Variants in RASEF observed in about 807,000 individuals in gnomAD.
RASEF encodes the protein ras and EF-hand domain-containing protein.
Under a neutral mutation model 90.1 loss-of-function variants are expected in RASEF, and 68 were observed. The ratio of observed to expected loss-of-function variants is 0.75; its 90% CI spans 0.62 to 0.92. The LOEUF (loss-of-function observed/expected upper bound fraction) is 0.92, where lower values mean the gene tolerates loss of function less well. RASEF is among the 40% of genes least tolerant of loss of function. RASEF has a pLI of 0.00. For missense variants in RASEF, 949 were observed against 937.2 expected, an observed-to-expected ratio of 1.01 and a Z score of -0.16; for synonymous variants, 331 against 345.2, an observed-to-expected ratio of 0.96 and a Z score of 0.46.
chr9:83,137,081 A>G, the RASEF span, among the ~76,000 whole-genome samples: 6 of 152,144 alleles, frequency 3.9e-5, no homozygotes, highest in African/African-American at 1.4e-4. Flanking sequence ...ATTATAAAAC[A>G]TGATAAAGTA....
chr9:83,183,866 C>T, the RASEF span, among the ~76,000 whole-genome samples: 1 of 152,158 alleles, frequency 6.6e-6, no homozygotes, highest in Non-Finnish European at 1.5e-5. Flanking sequence ...GCTTTGGTGG[C>T]CATTTGCCAA....
At chr9:83,044,794 T>C (rs775985735) in intron 1 of RASEF, among the ~76,000 whole-genome samples, 1 of 152,254 alleles carries the variant, frequency 6.6e-6, no homozygotes, top group Admixed American at 6.5e-5. Context: ...CATGTGAGTA[T>C]GTTGCTGTGA....
intron 6 of RASEF, 97 bp downstream of exon 6, chr9:83,009,544 T>C: frequency 1.6e-6 from 1 of 606,734 alleles, no homozygotes; most frequent in Non-Finnish European, 2.9e-6. Flanking sequence ...ATTAGCAAAG[T>C]TACTAACTCT....
the RASEF span, among the ~76,000 whole-genome samples, chr9:83,195,188 G>C: frequency 6.6e-6 from 1 of 152,198 alleles, no homozygotes; most frequent in East Asian, 1.9e-4. Flanking sequence ...TATGTGGCGG[G>C]ATTTCAGTTT....
chr9:83,060,090 C>T (rs1830178720), intron 1 of RASEF, among the ~76,000 whole-genome samples: 1 of 151,994 alleles, frequency 6.6e-6, no homozygotes, highest in Non-Finnish European at 1.5e-5. Context: ...ATTTAATATC[C>T]GTTCCTCTCA....
At chr9:82,988,432 T>C (rs1828751146) in intron 16 of RASEF, among the ~76,000 whole-genome samples, 1 of 152,194 alleles carries the variant, frequency 6.6e-6, no homozygotes. Flanking sequence ...TTTAGTTGAA[T>C]GTATATGTGT....
At chr9:83,087,312 G>C in the RASEF span, among the ~76,000 whole-genome samples, 1 of 152,118 alleles carries the variant, frequency 6.6e-6, no homozygotes, top group South Asian at 2.1e-4. Context: ...CTTGGATTTA[G>C]TGAGGTCATG....
chr9:83,122,974 T>G, the RASEF span, among the ~76,000 whole-genome samples: 355 of 152,252 alleles, frequency 2.3e-3, no homozygotes, highest in South Asian at 3.5e-3. Context: ...GCGCAGTGGC[T>G]CACGCCTGTA....
intron 3 of RASEF, among the ~76,000 whole-genome samples, chr9:83,019,203 T>C (rs1829399022): frequency 6.6e-6 from 1 of 152,138 alleles, no homozygotes; most frequent in Non-Finnish European, 1.5e-5. Flanking sequence ...AAAATATTTA[T>C]AGATCAGGTA....
chr9:83,091,989 TTTTTC>T, the RASEF span, among the ~76,000 whole-genome samples: 1 of 148,264 alleles, frequency 6.7e-6, no homozygotes. Context: ...TTTTATATTC[TTTTTC>T]TTTTATTTCT....
chr9:83,043,528 C>T (rs981782014), intron 1 of RASEF, among the ~76,000 whole-genome samples: 3 of 152,088 alleles, frequency 2.0e-5, no homozygotes, highest in African/African-American at 7.2e-5. Flanking sequence ...GCTTTTTTTG[C>T]ATGTGGTTTT....
chr9:83,045,007 C>T (rs1829903099), intron 1 of RASEF, among the ~76,000 whole-genome samples: 1 of 152,210 alleles, frequency 6.6e-6, no homozygotes, highest in Admixed American at 6.5e-5. Flanking sequence ...CCTGGGTCTC[C>T]AGCCTGCCAT....
At chr9:83,049,408 T>C (rs1238015648) in intron 1 of RASEF, 4 of 847,240 alleles carry the variant, frequency 4.7e-6, no homozygotes, top group Non-Finnish European at 5.7e-6. Flanking sequence ...ATTTCTATGA[T>C]CAAAAGCCCA....
chr9:83,134,399 A>T, the RASEF span, among the ~76,000 whole-genome samples: 3,520 of 138,998 alleles, frequency 0.025, 64 homozygotes, highest in Non-Finnish European at 0.039. Context: ...TTCCTCTTTG[A>T]TCACAATAGC....
chr9:83,062,302 G>C, intron 1 of RASEF, 135 bp downstream of exon 1: 1 of 815,228 alleles, frequency 1.2e-6, no homozygotes, highest in Non-Finnish European at 1.9e-6. Flanking sequence ...GTCAAAGCGA[G>C]TAGGTGAAGG....
chr9:83,186,408 G>A, the RASEF span, among the ~76,000 whole-genome samples: 1 of 152,100 alleles, frequency 6.6e-6, no homozygotes, highest in African/African-American at 2.4e-5. Flanking sequence ...TCCTTTAAAT[G>A]CTCTCTGTTA....
chr9:82,993,421 T>G (rs867323304), intron 14 of RASEF, among the ~76,000 whole-genome samples: 4 of 152,160 alleles, frequency 2.6e-5, no homozygotes, highest in African/African-American at 7.2e-5. Context: ...CAAGCCAATA[T>G]AAACTCAAAA....
intron 15 of RASEF, 139 bp from the exon 16 acceptor site, chr9:82,990,606 G>T: frequency 1.7e-6 from 1 of 576,418 alleles, no homozygotes; most frequent in Non-Finnish European, 3.0e-6. Flanking sequence ...ACTGAATTCA[G>T]AGTTCCAGTA....
At chr9:83,213,309 A>G in the RASEF span, among the ~76,000 whole-genome samples, 20 of 151,650 alleles carry the variant, frequency 1.3e-4, no homozygotes, top group Admixed American at 1.3e-3. Context: ...CTGAAGCTGG[A>G]GAATCACTTG....
Sources: allele counts gnomAD v4.1 joint callset (sites outside exome capture counted in the v4.1 genomes callset), GRCh38; gene constraint gnomAD v4.1.1; transcripts MANE v1.5; gene names NCBI Gene and HGNC (gene_info 2026-07-23, HGNC 2026-07-21).